GRID1: variants seen among roughly 807,000 people sequenced by gnomAD.
The protein encoded by GRID1 is glutamate receptor ionotropic, delta-1.
GRID1 carries 28 observed loss-of-function variants against 98.0 expected under a neutral mutation model. The ratio of observed to expected loss-of-function variants is 0.29; its 90% CI spans 0.21 to 0.39. GRID1 has a LOEUF of 0.39. Among genes scored for constraint, GRID1 ranks in the 10% least tolerant of loss-of-function variants. The pLI is 1.00. For missense variants in GRID1, 1,111 were observed against 1,340.5 expected, an observed-to-expected ratio of 0.83 and a Z score of 2.67; for synonymous variants, 553 against 538.5, an observed-to-expected ratio of 1.03 and a Z score of -0.37.
intron 8 of GRID1, among the ~76,000 whole-genome samples, chr10:85,787,960 C>G (rs1365813639): frequency 6.6e-6 from 1 of 151,892 alleles, no homozygotes; most frequent in Admixed American, 6.6e-5. Context: ...TGGTTCCGCT[C>G]TTTGCTCTTG....
intron 4 of GRID1, among the ~76,000 whole-genome samples, chr10:85,969,126 C>G (rs947122000): frequency 6.6e-6 from 1 of 152,164 alleles, no homozygotes; most frequent in African/African-American, 2.4e-5. Context: ...AAGTGTCCAT[C>G]TATTAGGAAG....
intron 8 of GRID1, among the ~76,000 whole-genome samples, chr10:85,762,476 TG>T (rs1375683742): frequency 6.6e-6 from 1 of 150,946 alleles, no homozygotes; most frequent in Non-Finnish European, 1.5e-5. Flanking sequence ...GCTTCCTGTC[TG>T]GGGGTGCCAG....
intron 8 of GRID1, among the ~76,000 whole-genome samples, chr10:85,733,098 C>G (rs1352379190): frequency 1.3e-5 from 2 of 152,110 alleles, no homozygotes; most frequent in African/African-American, 4.8e-5. Context: ...CCAGTTTTTC[C>G]CATTAAGACA....
intron 2 of GRID1, among the ~76,000 whole-genome samples, chr10:86,359,426 C>T (rs1021021881): frequency 3.9e-5 from 6 of 152,162 alleles, no homozygotes; most frequent in Admixed American, 2.6e-4. Flanking sequence ...TAGGAGGTAA[C>T]GGATATAAAC....
At chr10:86,084,012 C>A (rs1281822554) in intron 4 of GRID1, among the ~76,000 whole-genome samples, 1 of 152,214 alleles carries the variant, frequency 6.6e-6, no homozygotes, top group African/African-American at 2.4e-5. Context: ...CAGCCTCGGT[C>A]TGGTTGTTGT....
chr10:86,205,694 T>A lies in GRID1; in HGVS notation c.520+670A>T, dbSNP rs566902424. On this transcript the variant is annotated intron_variant, in intron 3 of 15. Transcript: ENST00000327946. ...TTTAAACACTAAACATGGAAACCATTCTATCTCAGGATTAAGACTAGTCTG... is the reference window on the plus strand; with the variant it reads ...TTTAAACACTAAACATGGAAACCATACTATCTCAGGATTAAGACTAGTCTG... Among the ~76,000 whole-genome samples the A allele has an allele frequency of 4.6e-5, 7 of 152,320 alleles. No homozygotes were observed. In the South Asian group the frequency reaches 1.5e-3, roughly 32 times the overall value.
chr10:85,925,583 C>T (rs1228209778), intron 4 of GRID1, among the ~76,000 whole-genome samples: 1 of 152,200 alleles, frequency 6.6e-6, no homozygotes, highest in Non-Finnish European at 1.5e-5. Flanking sequence ...CAAGCAAAGT[C>T]CAAAACTGAT....
At chr10:85,961,028 G>A (rs1842259542) in intron 4 of GRID1, among the ~76,000 whole-genome samples, 1 of 151,992 alleles carries the variant, frequency 6.6e-6, no homozygotes. Context: ...GTCTAGGCCT[G>A]GAGTGAAGGG....
At chr10:86,321,112 G>T (rs4933389) in intron 2 of GRID1, among the ~76,000 whole-genome samples, 1 of 75,612 alleles carries the variant, frequency 1.3e-5, no homozygotes, top group South Asian at 5.6e-4. Context: ...AAAAAAAAAA[G>T]AAAAAAAGCA....
intron 11 of GRID1, 55 bp from the exon 12 acceptor site, chr10:85,723,196 C>G: frequency 2.0e-6 from 3 of 1,531,848 alleles, no homozygotes; most frequent in Non-Finnish European, 2.7e-6. Context: ...CCCTCCTATC[C>G]CCAGGGAGGT....
chr10:86,264,419 G>A (rs892230650), intron 2 of GRID1, among the ~76,000 whole-genome samples: 1 of 152,192 alleles, frequency 6.6e-6, no homozygotes, highest in Non-Finnish European at 1.5e-5. Context: ...CTACCCCAGA[G>A]GGAGGAATCC....
intron 4 of GRID1, among the ~76,000 whole-genome samples, chr10:85,969,795 A>T (rs1842383941): frequency 1.3e-5 from 2 of 152,162 alleles, no homozygotes; most frequent in African/African-American, 4.8e-5. Context: ...TAAAAAGATA[A>T]AGAGCAAACT....
intron 2 of GRID1, among the ~76,000 whole-genome samples, chr10:86,300,427 A>G (rs1847664870): frequency 7.0e-6 from 1 of 143,648 alleles, no homozygotes; most frequent in Non-Finnish European, 1.5e-5. Context: ...TGATTGTACC[A>G]CTTTACTCCA....
chr10:86,013,206 G>GA (rs1407092176), intron 4 of GRID1, among the ~76,000 whole-genome samples: 2 of 152,176 alleles, frequency 1.3e-5, no homozygotes, highest in Non-Finnish European at 2.9e-5. Context: ...GACTCTCCCT[G>GA]AAAATCAAGT....
chr10:85,827,379 C>A (rs1157152918), intron 8 of GRID1, among the ~76,000 whole-genome samples: 4 of 150,842 alleles, frequency 2.7e-5, no homozygotes, highest in Admixed American at 2.6e-4. Context: ...GAAAGAATCT[C>A]AGAGCTCGAA....
chr10:86,254,999 G>C (rs571138235), intron 2 of GRID1, among the ~76,000 whole-genome samples: 3 of 152,262 alleles, frequency 2.0e-5, no homozygotes, highest in African/African-American at 7.2e-5. Context: ...ACTCCAGCCT[G>C]AGCCTGGCCT....
At chr10:85,939,887 G>A (rs1405938248) in intron 4 of GRID1, among the ~76,000 whole-genome samples, 3 of 152,000 alleles carry the variant, frequency 2.0e-5, no homozygotes, top group Admixed American at 1.3e-4. Context: ...CCAACATGGT[G>A]AAATCCCATC....
chr10:86,333,446 G>A (rs537672718), intron 2 of GRID1, among the ~76,000 whole-genome samples: 1 of 152,308 alleles, frequency 6.6e-6, no homozygotes, highest in African/African-American at 2.4e-5. Flanking sequence ...AGTTGTGCTG[G>A]AGCCATCCTG....
At chr10:85,774,149 A>G (rs1330173818) in intron 8 of GRID1, among the ~76,000 whole-genome samples, 1 of 152,252 alleles carries the variant, frequency 6.6e-6, no homozygotes, top group Non-Finnish European at 1.5e-5. Flanking sequence ...GGAACAGAAC[A>G]GAGCCCTCAG....
Sources: gnomAD v4.1 joint callset for allele counts (sites outside exome capture counted in the v4.1 genomes callset) on GRCh38, gnomAD v4.1.1 for gene constraint, MANE v1.5 for transcripts, NCBI Gene and HGNC (gene_info 2026-07-23, HGNC 2026-07-21) for gene names.